The following NSUN6 variants were observed in gnomAD, a reference collection of about 807,000 sequenced individuals.
The protein encoded by NSUN6 is tRNA (cytosine(72)-C(5))-methyltransferase NSUN6.
Under a neutral mutation model 58.0 loss-of-function variants are expected in NSUN6, and 64 were observed. The observed-to-expected ratio is 1.10, with a 90% CI of 0.90 to 1.36. The LOEUF is 1.36. NSUN6 is among the 40% of genes most tolerant of loss of function. The pLI is 0.00. For missense variants in NSUN6, 701 were observed against 550.1 expected (o/e 1.27, Z -2.74); for synonymous variants, 231 against 193.9 (o/e 1.19, Z -1.59).
At chr10:18,547,624 G>A (rs1040041919) in intron 10 of NSUN6, among the ~76,000 whole-genome samples, 4 of 152,104 alleles carry the variant, frequency 2.6e-5, no homozygotes, top group African/African-American at 7.2e-5. Context: ...AGAAAGTATA[G>A]CAAAGCTTTT....
chr10:18,590,021 T>A (rs150004315), intron 7 of NSUN6, among the ~76,000 whole-genome samples: 18 of 152,226 alleles, frequency 1.2e-4, no homozygotes, highest in Admixed American at 8.5e-4. Flanking sequence ...CCATCTCATG[T>A]GCAAAGACAC....
At chr10:18,618,564 C>T (rs556438616) in intron 3 of NSUN6, among the ~76,000 whole-genome samples, 1 of 151,906 alleles carries the variant, frequency 6.6e-6, no homozygotes, top group East Asian at 1.9e-4. Context: ...TGCCTGTAAT[C>T]CCAGATACTT....
chr10:18,561,819 T>C (rs542949711), intron 8 of NSUN6, among the ~76,000 whole-genome samples: 4 of 149,160 alleles, frequency 2.7e-5, no homozygotes, highest in African/African-American at 7.5e-5. Flanking sequence ...CAGTGGTGAA[T>C]AGAATGGAAT....
At chr10:18,630,436 A>C (rs1405175672) in intron 3 of NSUN6, among the ~76,000 whole-genome samples, 2 of 152,148 alleles carry the variant, frequency 1.3e-5, no homozygotes, top group Non-Finnish European at 2.9e-5. Flanking sequence ...GAGACACAAA[A>C]AATGCTTCAA....
At chr10:18,655,804 T>C (rs1031283049), upstream of NSUN6, among the ~76,000 whole-genome samples, 1 of 152,136 alleles carries the variant, frequency 6.6e-6, no homozygotes, top group Non-Finnish European at 1.5e-5. Context: ...AAGGACTACA[T>C]GTGTTGATGA....
chr10:18,551,848 G>T lies in NSUN6; in HGVS notation c.1046C>A (p.Pro349Gln), dbSNP rs1384058983. Residue 349 changes from proline (P) to glutamine (Q), a missense_variant, in exon 9 of 11, where the codon CCA becomes CAA. Pro to Gln is a moderately conservative substitution (Grantham distance 76). Transcript: ENST00000377304. Reference sequence around the variant, plus strand: ...TGCAGTGAAGAGTTTTCGCTGTAATGGCTGATATGATGCCACTTCCTTCAC... The same window carrying T: ...TGCAGTGAAGAGTTTTCGCTGTAATTGCTGATATGATGCCACTTCCTTCAC... ...WSVKEVASYQ[P>Q]LQRKLFTAAV... The T allele has an allele frequency of 6.2e-7, 1 of 1,613,496 alleles. No individual in the cohort carries two copies. Among genetic ancestry groups the T allele is most frequent in the Non-Finnish European group, 8.5e-7 (1 of 1,179,646 alleles).
chr10:18,568,568 C>G (rs1564733357), intron 8 of NSUN6, among the ~76,000 whole-genome samples: 1 of 150,386 alleles, frequency 6.6e-6, no homozygotes, highest in East Asian at 2.0e-4. Context: ...CTTTCCATTC[C>G]ATTCCCCTTT....
At chr10:18,615,818 A>C (rs1461103155) in intron 4 of NSUN6, among the ~76,000 whole-genome samples, 1 of 152,224 alleles carries the variant, frequency 6.6e-6, no homozygotes, top group African/African-American at 2.4e-5. Flanking sequence ...TTTCATCCCA[A>C]TGTTCAGAGT....
chr10:18,548,347 G>A (rs923172257), intron 9 of NSUN6, 110 bp from the exon 10 acceptor site: 2 of 945,292 alleles, frequency 2.1e-6, no homozygotes, highest in African/African-American at 3.3e-5. Flanking sequence ...TAAATAAAAT[G>A]ATGTTCTATG....
chr10:18,640,843 A>G (rs2059369488), intron 3 of NSUN6, among the ~76,000 whole-genome samples: 1 of 151,962 alleles, frequency 6.6e-6, no homozygotes, highest in Non-Finnish European at 1.5e-5. Context: ...TAATTGCAAA[A>G]ATACATTCTT....
chr10:18,628,050 G>C (rs189190525), intron 3 of NSUN6, among the ~76,000 whole-genome samples: 34 of 152,324 alleles, frequency 2.2e-4, no homozygotes, highest in South Asian at 2.1e-3. Flanking sequence ...CCAGCACGCA[G>C]CTGGAGATCT....
intron 6 of NSUN6, among the ~76,000 whole-genome samples, chr10:18,605,231 A>G (rs2058007338): frequency 6.6e-6 from 1 of 151,808 alleles, no homozygotes; most frequent in African/African-American, 2.4e-5. Flanking sequence ...ATTGTTTCAT[A>G]CTATGTGGAT....
At chr10:18,627,101 A>C (rs2058838875) in intron 3 of NSUN6, among the ~76,000 whole-genome samples, 1 of 152,198 alleles carries the variant, frequency 6.6e-6, no homozygotes, top group African/African-American at 2.4e-5. Context: ...TTTTCTCCTG[A>C]AGTCATTAAA....
chr10:18,631,830 C>T (rs2059041371), intron 3 of NSUN6, among the ~76,000 whole-genome samples: 1 of 152,118 alleles, frequency 6.6e-6, no homozygotes, highest in African/African-American at 2.4e-5. Context: ...CCATACTGCC[C>T]AAGGTAATTT....
At chr10:18,652,299 A>C (rs1590212613), upstream of NSUN6, 10 of 984,818 alleles carry the variant, frequency 1.0e-5, no homozygotes, top group South Asian at 3.8e-4. Context: ...TCACTGAGTC[A>C]TTTTATAACT....
chr10:18,597,373 G>C (rs1564779083), intron 6 of NSUN6, among the ~76,000 whole-genome samples: 1 of 152,156 alleles, frequency 6.6e-6, no homozygotes, highest in African/African-American at 2.4e-5. Flanking sequence ...TGCTTAAGCT[G>C]GGTTCAAATT....
At chr10:18,622,476 G>A (rs1390469477) in intron 3 of NSUN6, among the ~76,000 whole-genome samples, 1 of 152,214 alleles carries the variant, frequency 6.6e-6, no homozygotes, top group Non-Finnish European at 1.5e-5. Flanking sequence ...CACTTTAGGA[G>A]TACGAGGTGG....
At chr10:18,596,831 G>A (rs1342015518) in intron 6 of NSUN6, among the ~76,000 whole-genome samples, 1 of 152,066 alleles carries the variant, frequency 6.6e-6, no homozygotes, top group Non-Finnish European at 1.5e-5. Context: ...TTCAATCTCA[G>A]CATTGTTCAC....
In NSUN6 at chr10:18,551,840, G is replaced by A. The variant is rs764396387; in HGVS notation, c.1054C>T (p.Arg352Ter). 2.7e-5 allele frequency: 43 copies of A among 1,612,920 alleles called. No homozygotes were observed. The highest frequency in any genetic ancestry group is 1.6e-4 in the Middle Eastern group (1 of 6,076). ...CCACATACTGCAGTGAAGAGTTTTC[G>A]CTGTAATGGCTGATATGATGCCACT... ...KEVASYQPLQ[R>*]KLFTAAVQLL... Residue 352 changes from arginine to a stop codon, truncating the protein, a stop_gained, in exon 9 of 11, where the codon CGA (arginine) becomes TGA (stop). Transcript: ENST00000377304. LOFTEE classifies it high-confidence loss of function.
Sources: gnomAD v4.1 joint callset for allele counts (sites outside exome capture counted in the v4.1 genomes callset) on GRCh38, gnomAD v4.1.1 for gene constraint, MANE v1.5 for transcripts, NCBI Gene and HGNC (gene_info 2026-07-23, HGNC 2026-07-21) for gene names.